The following TAOK3 variants were observed in gnomAD, a reference collection of about 807,000 sequenced individuals.
The protein encoded by TAOK3 is serine/threonine-protein kinase TAO3.
TAOK3 carries 40 observed loss-of-function variants against 120.4 expected under a neutral mutation model. The ratio of observed to expected loss-of-function variants is 0.33; its 90% CI spans 0.26 to 0.43. The LOEUF is 0.43. Ranked by LOEUF, TAOK3 falls within the 20% of genes least tolerant of loss-of-function variation. TAOK3 has a pLI of 1.00. For missense variants in TAOK3, 821 were observed against 1,112.1 expected (o/e 0.74, Z 3.72); for synonymous variants, 355 against 387.5 (o/e 0.92, Z 0.99).
chr12:118,319,685 C>A (rs556676776), intron 1 of TAOK3, among the ~76,000 whole-genome samples: 100 of 151,770 alleles, frequency 6.6e-4, no homozygotes, highest in African/African-American at 1.6e-3. Flanking sequence ...TAAAAAAAAA[C>A]CAGAAAACAA....
intron 1 of TAOK3, among the ~76,000 whole-genome samples, chr12:118,369,369 A>G (rs899059279): frequency 6.6e-6 from 1 of 152,202 alleles, no homozygotes; most frequent in South Asian, 2.1e-4. Context: ...ATCACTACAA[A>G]TTCTACTGCA....
At chr12:118,368,373 T>C (rs1452586259) in intron 1 of TAOK3, among the ~76,000 whole-genome samples, 4 of 152,072 alleles carry the variant, frequency 2.6e-5, no homozygotes, top group African/African-American at 9.6e-5. Context: ...AATGTTTGTA[T>C]TTTTAGTAGA....
chr12:118,256,948 G>A (rs1294447295), intron 2 of TAOK3, among the ~76,000 whole-genome samples: 1 of 152,180 alleles, frequency 6.6e-6, no homozygotes, highest in Admixed American at 6.6e-5. Flanking sequence ...TCATTTTGGT[G>A]TAATTAATGT....
intron 11 of TAOK3, among the ~76,000 whole-genome samples, chr12:118,208,168 T>G (rs1756735244): frequency 6.6e-6 from 1 of 152,220 alleles, no homozygotes; most frequent in Non-Finnish European, 1.5e-5. Context: ...AACATTTACA[T>G]CTGTCCTTTA....
intron 11 of TAOK3, among the ~76,000 whole-genome samples, chr12:118,206,673 C>G (rs569878702): frequency 1.3e-5 from 2 of 151,854 alleles, no homozygotes; most frequent in African/African-American, 4.8e-5. Context: ...CTCAGCTCAC[C>G]GCAACCTCCA....
rs186791554 is a variant in TAOK3 at position 118,199,035 on chromosome 12, G to C, written c.1194+16C>G. The stretch of plus-strand genomic sequence containing the variant: ...TTGACAAAGCTCACCTCTGTGGAGG[G>C]TACCAAGAAACCTACTTTCTTATGC... On this transcript the variant is annotated intron_variant, in intron 13 of 20. Coordinates refer to ENST00000392533, the MANE Select transcript of TAOK3 (RefSeq NM_016281.4). 1 of 1,613,818 alleles carries C rather than the reference G, an allele frequency of 6.2e-7. No individual in the cohort carries two copies. Among genetic ancestry groups the C allele is most frequent in the African/African-American group, 1.3e-5 (1 of 75,046 alleles).
At chr12:118,294,635 C>T (rs1201589557) in intron 1 of TAOK3, among the ~76,000 whole-genome samples, 10 of 152,102 alleles carry the variant, frequency 6.6e-5, no homozygotes, top group African/African-American at 1.7e-4. Flanking sequence ...CTGCCTGCCT[C>T]GGCCTCCCAA....
At chr12:118,368,258 G>T (rs74399200) in intron 1 of TAOK3, among the ~76,000 whole-genome samples, 2 of 151,972 alleles carry the variant, frequency 1.3e-5, no homozygotes, top group Non-Finnish European at 2.9e-5. Flanking sequence ...GTGCGAGGGC[G>T]CTATTTTGGA....
chr12:118,298,989 G>A (rs995757744), intron 1 of TAOK3, among the ~76,000 whole-genome samples: 1 of 152,048 alleles, frequency 6.6e-6, no homozygotes, highest in East Asian at 1.9e-4. Flanking sequence ...ATATTTGTTA[G>A]AAAGAAAGCC....
intron 9 of TAOK3, among the ~76,000 whole-genome samples, chr12:118,216,710 C>T (rs552496790): frequency 2.6e-5 from 4 of 152,104 alleles, no homozygotes; most frequent in Admixed American, 6.5e-5. Context: ...GGGTGGATCA[C>T]GAGGTCAGGA....
intron 1 of TAOK3, among the ~76,000 whole-genome samples, chr12:118,360,343 G>T (rs2045552696): frequency 6.6e-6 from 1 of 151,552 alleles, no homozygotes; most frequent in Non-Finnish European, 1.5e-5. Context: ...TGAGGCAGGC[G>T]GATCACGAGG....
chr12:118,177,943 C>A (rs1593050807), intron 15 of TAOK3, among the ~76,000 whole-genome samples: 1 of 152,044 alleles, frequency 6.6e-6, no homozygotes, highest in East Asian at 1.9e-4. Flanking sequence ...TGAAAGGAGA[C>A]CTAAGAATAA....
At chr12:118,226,029 C>T (rs1471257704) in intron 9 of TAOK3, among the ~76,000 whole-genome samples, 1 of 152,142 alleles carries the variant, frequency 6.6e-6, no homozygotes, top group Non-Finnish European at 1.5e-5. Flanking sequence ...CATTTGAGAT[C>T]AGGAGTTTGA....
At chr12:118,190,880 C>A (rs958524105) in intron 13 of TAOK3, among the ~76,000 whole-genome samples, 6 of 152,148 alleles carry the variant, frequency 3.9e-5, no homozygotes, top group Non-Finnish European at 7.3e-5. Flanking sequence ...AGTGGTCAGT[C>A]ATTAAGTGGC....
intron 19 of TAOK3, chr12:118,159,929 G>A (rs2035108264): frequency 3.4e-6 from 2 of 584,608 alleles, no homozygotes; most frequent in South Asian, 4.1e-5. Flanking sequence ...GGTCTGATGT[G>A]GCATGTCACT....
chr12:118,234,072 T>C (rs1207505839), intron 8 of TAOK3, among the ~76,000 whole-genome samples: 1 of 152,114 alleles, frequency 6.6e-6, no homozygotes, highest in Non-Finnish European at 1.5e-5. Context: ...ATAATTCTCA[T>C]AGCAACTTTA....
intron 13 of TAOK3, among the ~76,000 whole-genome samples, chr12:118,194,612 CTTTTTT>C (rs58866768): frequency 2.8e-4 from 27 of 98,154 alleles, no homozygotes; most frequent in Non-Finnish European, 1.1e-4. Flanking sequence ...AAGGACATTT[CTTTTTT>C]TTTTTTTTTT....
chr12:118,182,599 G>GTGTA (rs1440847647), intron 14 of TAOK3, among the ~76,000 whole-genome samples: 259 of 93,838 alleles, frequency 2.8e-3, no homozygotes, highest in Middle Eastern at 6.4e-3. Flanking sequence ...GTGTGTGTGT[G>GTGTA]TATATATATA....
intron 9 of TAOK3, among the ~76,000 whole-genome samples, chr12:118,219,262 T>C (rs1035803809): frequency 4.6e-5 from 7 of 151,910 alleles, no homozygotes; most frequent in African/African-American, 1.7e-4. Context: ...TTTTTGTGTA[T>C]GTGTGTGTGT....
Sources: gnomAD v4.1 joint callset for allele counts (sites outside exome capture counted in the v4.1 genomes callset) on GRCh38, gnomAD v4.1.1 for gene constraint, MANE v1.5 for transcripts, NCBI Gene and HGNC (gene_info 2026-07-23, HGNC 2026-07-21) for gene names.